The following KLHL13 variants were observed in gnomAD, a reference collection of about 807,000 sequenced individuals.
KLHL13 encodes the protein kelch-like protein 13.
KLHL13 carries 10 observed loss-of-function variants against 37.1 expected under a neutral mutation model. The observed-to-expected ratio is 0.27, with a 90% CI of 0.17 to 0.46. The LOEUF is 0.46. Among genes scored for constraint, KLHL13 ranks in the 20% least tolerant of loss-of-function variants. The pLI, the probability that KLHL13 is intolerant of heterozygous loss-of-function variation, is 1.00. For missense variants in KLHL13, 360 were observed against 509.3 expected, an observed-to-expected ratio of 0.71 and a Z score of 2.82; for synonymous variants, 163 against 181.2, an observed-to-expected ratio of 0.90 and a Z score of 0.81.
intron 1 of KLHL13, 140 bp from the exon 3 acceptor site, chrX:117,945,715 G>A (rs1324728280): frequency 1.3e-5 from 6 of 447,935 alleles, no homozygotes; most frequent in East Asian, 7.7e-5. Flanking sequence ...TATATTATAC[G>A]CTTGTACCAC....
intron 1 of KLHL13, among the ~76,000 whole-genome samples, chrX:117,964,602 T>C (rs1305866682): frequency 1.8e-5 from 2 of 111,997 alleles, no homozygotes; most frequent in African/African-American, 3.2e-5. Flanking sequence ...ACTTTCTTTT[T>C]TTTATTAAAG....
At chrX:117,947,330 G>A (rs773047729) in intron 1 of KLHL13, 10 of 111,966 alleles carry the variant, frequency 8.9e-5, no homozygotes, top group Non-Finnish European at 1.9e-4. Context: ...TAGCACGAAA[G>A]ACTTAATATA....
At chrX:118,057,544 G>A (rs190098395) in intron 1 of KLHL13, among the ~76,000 whole-genome samples, 59 of 112,242 alleles carry the variant, frequency 5.3e-4, no homozygotes, top group African/African-American at 1.8e-3. Flanking sequence ...AAAATCGGCC[G>A]GGGCCGTGGC....
intron 1 of KLHL13, among the ~76,000 whole-genome samples, chrX:118,080,866 C>T (rs192667247): frequency 2.7e-4 from 30 of 111,565 alleles, no homozygotes; most frequent in African/African-American, 8.4e-4. Flanking sequence ...AACCTAGGTG[C>T]CCATCAATGG....
intron 1 of KLHL13, among the ~76,000 whole-genome samples, chrX:118,098,932 G>A (rs2055248200): frequency 1.3e-5 from 1 of 74,422 alleles, no homozygotes; most frequent in Admixed American, 1.6e-4. Context: ...TTGTGGGGTG[G>A]GGGAAGGGGG....
chrX:117,909,909 G>A, exon 5 of KLHL13: 1 of 1,211,543 alleles, frequency 8.3e-7, no homozygotes, highest in Non-Finnish European at 1.1e-6. Flanking sequence ...CTCAAGTTCA[G>A]TACAGTGCTT....
chrX:118,092,210 T>C (rs1034603631), intron 1 of KLHL13, among the ~76,000 whole-genome samples: 1 of 111,589 alleles, frequency 9.0e-6, no homozygotes, highest in Admixed American at 9.5e-5. Flanking sequence ...CATATTGAAA[T>C]TAAAAAATAC....
intron 1 of KLHL13, among the ~76,000 whole-genome samples, chrX:118,052,819 G>A (rs1313370429): frequency 5.7e-5 from 6 of 106,133 alleles, no homozygotes; most frequent in Non-Finnish European, 1.1e-4. Context: ...AGAGCAAGAC[G>A]CCATCTCAAG....
chrX:117,984,727 A>G (rs2147934043), intron 1 of KLHL13, among the ~76,000 whole-genome samples: 1 of 111,494 alleles, frequency 9.0e-6, no homozygotes, highest in East Asian at 2.8e-4. Flanking sequence ...GGTCAAATTC[A>G]TATCTGTCAT....
intron 4 of KLHL13, among the ~76,000 whole-genome samples, chrX:117,911,800 T>C (rs749586101): frequency 8.9e-6 from 1 of 112,336 alleles, no homozygotes; most frequent in African/African-American, 3.2e-5. Flanking sequence ...AGTCTATCAT[T>C]GATTTATTAC....
At chrX:117,951,954 A>G (rs1933633263) in intron 1 of KLHL13, among the ~76,000 whole-genome samples, 1 of 112,192 alleles carries the variant, frequency 8.9e-6, no homozygotes. Flanking sequence ...GGAAGAAACA[A>G]TATCATGAAG....
chrX:117,907,666 T>A (rs1930639343), intron 5 of KLHL13, among the ~76,000 whole-genome samples: 1 of 111,600 alleles, frequency 9.0e-6, no homozygotes, highest in African/African-American at 3.3e-5. Context: ...CTAAGGACAC[T>A]TATGCCTTAA....
chrX:117,980,341 T>C (rs192409176), intron 1 of KLHL13, among the ~76,000 whole-genome samples: 15 of 112,089 alleles, frequency 1.3e-4, no homozygotes, highest in African/African-American at 4.8e-4. Context: ...CCTATACTTT[T>C]CTAAAAGTCT....
chrX:117,966,614 C>T (rs2053437182), intron 1 of KLHL13, among the ~76,000 whole-genome samples: 1 of 111,023 alleles, frequency 9.0e-6, no homozygotes, highest in Admixed American at 9.6e-5. Flanking sequence ...CAATCCTAAG[C>T]CAAAAGAACA....
chrX:118,057,132 T>G (rs1480848397), intron 1 of KLHL13, among the ~76,000 whole-genome samples: 1 of 111,638 alleles, frequency 9.0e-6, no homozygotes, highest in Non-Finnish European at 1.9e-5. Context: ...AATCAAACAG[T>G]GTGGTGTTGG....
intron 1 of KLHL13, among the ~76,000 whole-genome samples, chrX:117,969,806 T>C (rs1398849382): frequency 8.9e-6 from 1 of 111,902 alleles, no homozygotes; most frequent in Non-Finnish European, 1.9e-5. Context: ...CTTTATACTA[T>C]ATAAGATGCT....
chrX:117,995,572 T>C (rs754152366), intron 1 of KLHL13, among the ~76,000 whole-genome samples: 1 of 111,677 alleles, frequency 9.0e-6, no homozygotes, highest in African/African-American at 3.3e-5. Context: ...ATTCAGAATG[T>C]TGCGCAACCA....
At chrX:118,034,481 C>A (rs1459193779) in intron 1 of KLHL13, among the ~76,000 whole-genome samples, 3 of 98,541 alleles carry the variant, frequency 3.0e-5, no homozygotes, top group African/African-American at 1.2e-4. Flanking sequence ...CAACCTGCTA[C>A]TGAATGACTA....
At chrX:117,953,863 T>C (rs1933769850) in intron 1 of KLHL13, among the ~76,000 whole-genome samples, 1 of 112,180 alleles carries the variant, frequency 8.9e-6, no homozygotes, top group African/African-American at 3.2e-5. Flanking sequence ...TTTACCATTC[T>C]ATTTCCATAA....
Sources: gnomAD v4.1 joint callset for allele counts (sites outside exome capture counted in the v4.1 genomes callset) on GRCh38, gnomAD v4.1.1 for gene constraint, MANE v1.5 for transcripts, NCBI Gene and HGNC (gene_info 2026-07-23, HGNC 2026-07-21) for gene names.